CACNA1C: variants seen among roughly 807,000 people sequenced by gnomAD.
CACNA1C encodes calcium voltage-gated channel subunit alpha1 C.
Under a neutral mutation model 229.0 loss-of-function variants are expected in CACNA1C, and 30 were observed. The observed-to-expected ratio is 0.13, with a 90% CI of 0.10 to 0.18. The LOEUF (loss-of-function observed/expected upper bound fraction) is 0.18. Among genes scored for constraint, CACNA1C ranks in the 10% least tolerant of loss-of-function variants. CACNA1C has a pLI of 1.00. For missense variants in CACNA1C, 1,658 were observed against 2,845.0 expected (o/e 0.58, Z 9.49); for synonymous variants, 1,114 against 1,132.5 (o/e 0.98, Z 0.33).
intron 3 of CACNA1C, among the ~76,000 whole-genome samples, chr12:2,398,110 T>C (rs1324921836): frequency 6.6e-6 from 1 of 152,224 alleles, no homozygotes; most frequent in Non-Finnish European, 1.5e-5. Flanking sequence ...TTCCAAAAGG[T>C]AAGAAGGAGG....
At chr12:2,477,228 A>G in intron 5 of CACNA1C, among the ~76,000 whole-genome samples, 1 of 152,234 alleles carries the variant, frequency 6.6e-6, no homozygotes, top group East Asian at 1.9e-4. Context: ...TGATGATGAC[A>G]GTGGTGATTG....
intron 30 of CACNA1C, among the ~76,000 whole-genome samples, chr12:2,645,492 G>T (rs2094242547): frequency 6.6e-6 from 1 of 152,194 alleles, no homozygotes; most frequent in South Asian, 2.1e-4. Flanking sequence ...GAAACTAAAA[G>T]TGCTGATCCT....
At chr12:2,312,507 C>A (rs117731709) in intron 3 of CACNA1C, among the ~76,000 whole-genome samples, 1 of 152,164 alleles carries the variant, frequency 6.6e-6, no homozygotes, top group Non-Finnish European at 1.5e-5. Context: ...CAGCATTATA[C>A]GACTTTGAAA....
rs1429972659 is a variant in CACNA1C at position 2,136,853 on chromosome 12, T to C, written c.477+16423T>C. Among the ~76,000 whole-genome samples the C allele has an allele frequency of 2.0e-5, 3 of 151,454 alleles. No individual in the cohort carries two copies. The Admixed American group carries it at 2.0e-4, about 10-fold the overall frequency. On this transcript the variant is annotated intron_variant, in intron 3 of 46. Coordinates refer to ENST00000399655, the MANE Select transcript of CACNA1C (RefSeq NM_000719.7). ...GCCCCCGGGCCTCTTCCTAAATAGATGAGAATCTCTGGTTGGGGTGAGGGA... is the reference window on the plus strand; with the variant it reads ...GCCCCCGGGCCTCTTCCTAAATAGACGAGAATCTCTGGTTGGGGTGAGGGA...
At position 2,512,869 on chromosome 12, in the gene CACNA1C, G is replaced by A. The variant is rs887707998; in HGVS notation, c.1275G>A (p.Arg425=). 6.2e-7 allele frequency: 1 copy of A among 1,613,432 alleles called. No homozygotes were observed. Among genetic ancestry groups the A allele is most frequent in the African/African-American group, 1.3e-5 (1 of 75,028 alleles). ...AKARGDFQKL[R]EKQQLEEDLK... Reference sequence around the variant, plus strand: ...CCCGGGGAGATTTCCAGAAGCTGCGGGAGAAGCAGCAGCTAGAAGAGGATC... The same window carrying A: ...CCCGGGGAGATTTCCAGAAGCTGCGAGAGAAGCAGCAGCTAGAAGAGGATC... Residue 425 remains arginine, a synonymous_variant, in exon 9 of 47, where the codon CGG becomes CGA. Transcript: ENST00000399655. This position sits in a 1 kb window ranked among gnomAD's most constrained non-coding sequence, Gnocchi z 4.3.
At chr12:2,409,675 CTT>C in intron 3 of CACNA1C, among the ~76,000 whole-genome samples, 1 of 152,338 alleles carries the variant, frequency 6.6e-6, no homozygotes, top group East Asian at 1.9e-4. Context: ...TGCGGGTCCT[CTT>C]TCTGTCTGCC....
Position 2,526,348 on chromosome 12 carries a change from A to G in CACNA1C, c.1390+13364A>G, listed in dbSNP as rs374241503. Among the ~76,000 whole-genome samples, 53 of 152,272 alleles carry G rather than the reference A, an allele frequency of 3.5e-4. No homozygotes were observed. In the South Asian group the frequency reaches 0.01, roughly 30 times the overall value. ...CTATTCCAGGGCCTTGTCACATCAC[A>G]CTGGAGTGACCACCTCCCAGCTGAC... On this transcript the variant is annotated intron_variant, in intron 9 of 46. Coordinates refer to ENST00000399655, the MANE Select transcript of CACNA1C (RefSeq NM_000719.7).
chr12:2,497,969 TCACACACA>T (rs3058710), intron 7 of CACNA1C, among the ~76,000 whole-genome samples: 10 of 143,912 alleles, frequency 6.9e-5, no homozygotes, highest in Non-Finnish European at 1.1e-4. Flanking sequence ...TCTATTAAAT[TCACACACA>T]CACACACACA....
At chr12:2,683,275 A>C (rs1462793860) in intron 43 of CACNA1C, among the ~76,000 whole-genome samples, 1 of 152,244 alleles carries the variant, frequency 6.6e-6, no homozygotes, top group Non-Finnish European at 1.5e-5. Flanking sequence ...GAATGCGTCA[A>C]ACGTCACAAA....
chr12:2,418,769 G>C (rs1238900853), intron 3 of CACNA1C, among the ~76,000 whole-genome samples: 1 of 152,142 alleles, frequency 6.6e-6, no homozygotes, highest in Non-Finnish European at 1.5e-5. Flanking sequence ...CTCTAGGGAG[G>C]TGGGGTCCTA....
chr12:2,428,633 C>T (rs1256904307), intron 3 of CACNA1C, among the ~76,000 whole-genome samples: 1 of 152,196 alleles, frequency 6.6e-6, no homozygotes, highest in East Asian at 1.9e-4. Context: ...CATGTATCTC[C>T]CTGCTACCTA....
intron 3 of CACNA1C, among the ~76,000 whole-genome samples, chr12:2,444,085 A>G (rs1012763639): frequency 3.9e-5 from 6 of 152,014 alleles, no homozygotes; most frequent in Non-Finnish European, 8.8e-5. Context: ...GGGCCCTTCC[A>G]GTTCTATCTC....
intron 4 of CACNA1C, among the ~76,000 whole-genome samples, chr12:2,455,985 C>G (rs555599087): frequency 6.6e-6 from 1 of 152,300 alleles, no homozygotes; most frequent in Admixed American, 6.5e-5. Context: ...ACAACTGCTG[C>G]GCTTTTGTCT....
chr12:2,479,778 G>T lies in CACNA1C; in HGVS notation c.758-6326G>T, dbSNP rs1475878200. 6.6e-6 allele frequency among the ~76,000 whole-genome samples: 1 copy of T among 152,216 alleles called. No homozygotes were observed. Among genetic ancestry groups the T allele is most frequent in the Non-Finnish European group, 1.5e-5 (1 of 68,040 alleles). ...TCCTGGGAAGCCCTGACTACATCGG[G>T]ATTGGGGATATCACATGTAGAAGGG... is the stretch of plus-strand genomic sequence containing the variant. On this transcript the variant is annotated intron_variant, in intron 5 of 46. Transcript: ENST00000399655. The surrounding 1 kb of genome is among the most constrained non-coding windows in gnomAD (Gnocchi z 4.3).
rs114075286 is a variant in CACNA1C at position 2,659,113 on chromosome 12, G to A, written c.4232+3875G>A. Among the ~76,000 whole-genome samples, 189 of 152,154 alleles carry A rather than the reference G, an allele frequency of 1.2e-3. 1 individual carries two copies. The highest frequency in any genetic ancestry group is 4.2e-3 in the African/African-American group (175 of 41,518). ...TTCTAGTCTCCAGTGGTGTACGGTA[G>A]CGTGCAGTCATGTCCTAGGCCCTCA... On this transcript the variant is annotated intron_variant, in intron 34 of 46. Transcript: ENST00000399655.
intron 3 of CACNA1C, among the ~76,000 whole-genome samples, chr12:2,218,825 T>C (rs894440279): frequency 6.6e-6 from 1 of 152,178 alleles, no homozygotes; most frequent in Non-Finnish European, 1.5e-5. Flanking sequence ...CATTTCAGTG[T>C]GGTTTTTAAG....
At chr12:2,316,826 C>T (rs1463430021) in intron 3 of CACNA1C, among the ~76,000 whole-genome samples, 3 of 152,196 alleles carry the variant, frequency 2.0e-5, no homozygotes, top group Non-Finnish European at 4.4e-5. Flanking sequence ...CCCATGTGCA[C>T]AGGCACAAAA....
chr12:2,509,462 C>T (rs758799224), intron 8 of CACNA1C, among the ~76,000 whole-genome samples: 1 of 152,188 alleles, frequency 6.6e-6, no homozygotes, highest in Non-Finnish European at 1.5e-5. Context: ...CCTCTGCCCA[C>T]ATTTTGTCAA....
chr12:2,058,257 G>C (rs2056035038), intron 1 of CACNA1C, among the ~76,000 whole-genome samples: 1 of 152,194 alleles, frequency 6.6e-6, no homozygotes, highest in African/African-American at 2.4e-5. Context: ...TACAGCAGCT[G>C]TTTGTTCTGT....
Sources: gnomAD v4.1 joint callset for allele counts (sites outside exome capture counted in the v4.1 genomes callset) on GRCh38, gnomAD v4.1.1 for gene constraint, Gnocchi (gnomAD v3.1) non-coding constraint, MANE v1.5 for transcripts, NCBI Gene and HGNC (gene_info 2026-07-23, HGNC 2026-07-21) for gene names.